ADAMTS3: variants seen among roughly 807,000 people sequenced by gnomAD.
The protein encoded by ADAMTS3 is ADAM metallopeptidase with thrombospondin type 1 motif 3, also known as A disintegrin and metalloproteinase with thrombospondin motifs 3.
In ADAMTS3, 73 loss-of-function variants were observed where a neutral mutation model predicts 129.0. The observed-to-expected ratio is 0.57, with a 90% CI of 0.47 to 0.69. The LOEUF (loss-of-function observed/expected upper bound fraction) is 0.69, where lower values mean the gene tolerates loss of function less well. Among genes scored for constraint, ADAMTS3 ranks in the 30% least tolerant of loss-of-function variants. The pLI, the probability that ADAMTS3 is intolerant of heterozygous loss-of-function variation, is 0.00. For synonymous variants in ADAMTS3, 477 were observed against 510.8 expected (o/e 0.93, Z 0.89); for missense variants, 1,457 against 1,514.5 (o/e 0.96, Z 0.63).
chr4:72,531,532 G>A (rs1578770124), intron 3 of ADAMTS3, among the ~76,000 whole-genome samples: 1 of 152,100 alleles, frequency 6.6e-6, no homozygotes, highest in African/African-American at 2.4e-5. Flanking sequence ...GAGAGGGTTG[G>A]GTAAAGCACA....
chr4:72,384,917 C>A (rs1224792259), intron 4 of ADAMTS3, among the ~76,000 whole-genome samples: 1 of 152,036 alleles, frequency 6.6e-6, no homozygotes, highest in African/African-American at 2.4e-5. Context: ...GCCTGTAATC[C>A]CAGCACTTTG....
chr4:72,283,778 T>G, intron 21 of ADAMTS3, 74 bp from the exon 22 acceptor site: 3 of 1,312,404 alleles, frequency 2.3e-6, no homozygotes, highest in South Asian at 1.6e-5. Flanking sequence ...AAATTAAAAT[T>G]TTTAATGAAT....
At chr4:72,373,539 C>G (rs943866540) in intron 4 of ADAMTS3, among the ~76,000 whole-genome samples, 5 of 152,220 alleles carry the variant, frequency 3.3e-5, no homozygotes, top group Admixed American at 1.3e-4. Flanking sequence ...AGATCACATA[C>G]TACATGAATT....
At position 72,362,946 on chromosome 4, in the gene ADAMTS3, AT is replaced by A. The variant is rs573002926; in HGVS notation, c.662-23254del. 6.6e-5 allele frequency among the ~76,000 whole-genome samples: 10 copies of A among 152,178 alleles called. No homozygotes were observed. In the South Asian group the frequency reaches 2.1e-3, roughly 32 times the overall value. On this transcript the variant is annotated intron_variant, in intron 4 of 21. Coordinates refer to ENST00000286657, the MANE Select transcript of ADAMTS3 (RefSeq NM_014243.3). ...AAATAAGATTAAACCAAACACTTTA[AT>A]TTTTTTCAAAAGTAGTCTGCCAGCC...
Position 72,283,115 on chromosome 4 carries a change from T to C in ADAMTS3, c.*21A>G. 1 of 1,573,072 alleles carries C rather than the reference T, an allele frequency of 6.4e-7. No homozygotes were observed. Among genetic ancestry groups the C allele is most frequent in the South Asian group, 1.2e-5 (1 of 83,092 alleles). On this transcript the variant is annotated 3_prime_UTR_variant, in exon 22 of 22. Transcript: ENST00000286657. ...GTTGTCCAGGTTTTCCTCTGGTTTCTAGCCTTTTTGGTTCACTTTCTCATC... is the reference window on the plus strand; with the variant it reads ...GTTGTCCAGGTTTTCCTCTGGTTTCCAGCCTTTTTGGTTCACTTTCTCATC...
At chr4:72,345,862 C>A (rs1472659726) in intron 4 of ADAMTS3, among the ~76,000 whole-genome samples, 1 of 151,998 alleles carries the variant, frequency 6.6e-6, no homozygotes, top group African/African-American at 2.4e-5. Context: ...AGTTTAATAT[C>A]CAAAATATGA....
chr4:72,448,576 C>A (rs1718315209), intron 3 of ADAMTS3, among the ~76,000 whole-genome samples: 1 of 151,632 alleles, frequency 6.6e-6, no homozygotes, highest in Admixed American at 6.6e-5. Context: ...ATTTTGGCAA[C>A]AATCCTAAAA....
At chr4:72,482,139 A>T (rs1388864194) in intron 3 of ADAMTS3, among the ~76,000 whole-genome samples, 1 of 152,004 alleles carries the variant, frequency 6.6e-6, no homozygotes, top group Non-Finnish European at 1.5e-5. Context: ...CAATCCAGAA[A>T]TTTCACTCTA....
intron 3 of ADAMTS3, among the ~76,000 whole-genome samples, chr4:72,517,664 T>G (rs574453345): frequency 1.3e-5 from 2 of 152,338 alleles, no homozygotes; most frequent in East Asian, 1.9e-4. Context: ...TTTGTATTTC[T>G]GTGGGATCGG....
chr4:72,411,349 C>T (rs2109921650), intron 4 of ADAMTS3, among the ~76,000 whole-genome samples: 2 of 152,066 alleles, frequency 1.3e-5, no homozygotes, highest in African/African-American at 4.8e-5. Flanking sequence ...GCTTAGGGCT[C>T]CAGAGTGTGG....
chr4:72,566,801 G>GA (rs35392129), intron 2 of ADAMTS3, among the ~76,000 whole-genome samples: 146,354 of 152,262 alleles, frequency 0.96, 70,610 homozygotes, highest in East Asian at 1. Flanking sequence ...ATGGGAGTAA[G>GA]AATCTCCACA....
rs1332233334 is a variant in ADAMTS3, at chr4:72,290,798, T to C, written c.2931+57A>G. 18 of 1,551,888 alleles carry C rather than the reference T, an allele frequency of 1.2e-5. No homozygotes were observed. In the East Asian group the frequency reaches 2.5e-4, roughly 21 times the overall value. On this transcript the variant is annotated intron_variant, in intron 20 of 21. Transcript: ENST00000286657. The stretch of plus-strand genomic sequence containing the variant: ...CTGATGTTTAAGCCAAATTAAAATA[T>C]CTACACATGCTTACACACACACTTT...
intron 11 of ADAMTS3, among the ~76,000 whole-genome samples, chr4:72,314,966 C>T (rs1251594681): frequency 6.6e-6 from 1 of 152,122 alleles, no homozygotes; most frequent in Non-Finnish European, 1.5e-5. Flanking sequence ...CTTAACATGC[C>T]TTTGTTTTGG....
chr4:72,528,521 TAA>T (rs11324929), intron 3 of ADAMTS3, among the ~76,000 whole-genome samples: 106 of 89,650 alleles, frequency 1.2e-3, no homozygotes, highest in African/African-American at 2.9e-3. Context: ...AAGTGAAAAC[TAA>T]AAAAAAAAAA....
Position 72,295,634 on chromosome 4 carries a change from T to C in ADAMTS3, c.2723+20A>G, listed in dbSNP as rs1184332254. 4 of 1,595,626 alleles carry C rather than the reference T, an allele frequency of 2.5e-6. No homozygotes were observed. The South Asian group carries it at 3.4e-5, about 14-fold the overall frequency. ...TCCTGATTTTGACCTCCAGATATGA[T>C]AGTTAAAATAGATGCTTACAGTGGA... On this transcript the variant is annotated intron_variant, in intron 19 of 21. Coordinates refer to ENST00000286657, the MANE Select transcript of ADAMTS3 (RefSeq NM_014243.3).
intron 3 of ADAMTS3, among the ~76,000 whole-genome samples, chr4:72,517,266 A>C (rs1339740776): frequency 6.6e-6 from 1 of 152,216 alleles, no homozygotes; most frequent in Non-Finnish European, 1.5e-5. Context: ...ATTTGCATCA[A>C]TGTTCATCAA....
At chr4:72,393,565 CCAATTTTGTCATTAAAAAT>C (rs368990945) in intron 4 of ADAMTS3, among the ~76,000 whole-genome samples, 3 of 152,134 alleles carry the variant, frequency 2.0e-5, no homozygotes, top group Admixed American at 6.5e-5. Context: ...ATCACTGTCA[CCAATTTTGTCATTAAAAAT>C]CAAGAGCTAA....
intron 3 of ADAMTS3, among the ~76,000 whole-genome samples, chr4:72,514,893 G>T (rs917034847): frequency 7.9e-5 from 12 of 151,862 alleles, no homozygotes; most frequent in South Asian, 6.3e-4. Flanking sequence ...GTGCAGGTTA[G>T]TTACATATGT....
chr4:72,288,854 G>T lies in ADAMTS3; in HGVS notation c.2946C>A (p.Cys982Ter). ...TGPWSECSVT[C>*]GEGTEVRQVL... Reference sequence around the variant, plus strand: ...CCTGCCTCACCTCCGTTCCTTCACCGCAGGTCACTGAACACTGCAGAGACA... The same window carrying T: ...CCTGCCTCACCTCCGTTCCTTCACCTCAGGTCACTGAACACTGCAGAGACA... The change falls in exon 21 of 22, where the codon TGC (cysteine) becomes TGA (stop). Residue 982 changes from cysteine (C) to a stop codon, truncating the protein, a stop_gained. Transcript: ENST00000286657. LOFTEE classifies it high-confidence loss of function. 1 of 1,610,240 alleles carries T rather than the reference G, an allele frequency of 6.2e-7. No homozygotes were observed. The highest frequency in any genetic ancestry group is 8.5e-7 in the Non-Finnish European group (1 of 1,178,150).
Sources: allele counts gnomAD v4.1 joint callset (sites outside exome capture counted in the v4.1 genomes callset), GRCh38; gene constraint gnomAD v4.1.1; transcripts MANE v1.5; gene names NCBI Gene and HGNC (gene_info 2026-07-23, HGNC 2026-07-21).